The following EEFSEC variants were observed in gnomAD, a reference collection of about 807,000 sequenced individuals.
EEFSEC encodes selenocysteine-specific elongation factor.
In EEFSEC, 43 loss-of-function variants were observed where a neutral mutation model predicts 42.1. The ratio of observed to expected loss-of-function variants is 1.02; its 90% CI spans 0.80 to 1.32. EEFSEC has a LOEUF of 1.32. Ranked by LOEUF, EEFSEC falls within the 40% of genes most tolerant of loss-of-function variation. The pLI is 0.00. For missense variants in EEFSEC, 745 were observed against 803.6 expected, an observed-to-expected ratio of 0.93 and a Z score of 0.88; for synonymous variants, 354 against 339.1, an observed-to-expected ratio of 1.04 and a Z score of -0.48.
At chr3:128,418,698 C>G in the EEFSEC span, among the ~76,000 whole-genome samples, 1 of 152,222 alleles carries the variant, frequency 6.6e-6, no homozygotes, top group Non-Finnish European at 1.5e-5. Flanking sequence ...CTCAGCATCC[C>G]TGATACTGCC....
At chr3:128,342,030 A>T (rs1010723047) in intron 5 of EEFSEC, 141 bp downstream of exon 5, 5 of 1,208,296 alleles carry the variant, frequency 4.1e-6, no homozygotes, top group Non-Finnish European at 5.6e-6. Flanking sequence ...TGTACAAGGC[A>T]TCTGATGCCC....
At chr3:128,409,627 G>C (rs1051179199), downstream of EEFSEC, among the ~76,000 whole-genome samples, 1 of 152,242 alleles carries the variant, frequency 6.6e-6, no homozygotes. Flanking sequence ...ACGTGAGAGA[G>C]AGTGTGGCCC....
chr3:128,354,530 C>T (rs2067428664), intron 5 of EEFSEC, among the ~76,000 whole-genome samples: 1 of 152,204 alleles, frequency 6.6e-6, no homozygotes. Flanking sequence ...CAGATGAGAA[C>T]ATAAACAAGG....
At chr3:128,319,592 C>T (rs1031342069) in intron 4 of EEFSEC, among the ~76,000 whole-genome samples, 1 of 152,198 alleles carries the variant, frequency 6.6e-6, no homozygotes, top group African/African-American at 2.4e-5. Context: ...GTGGATTGCC[C>T]ATCGCCTTCT....
At chr3:128,209,928 G>A (rs1262280047) in intron 1 of EEFSEC, among the ~76,000 whole-genome samples, 2 of 152,356 alleles carry the variant, frequency 1.3e-5, no homozygotes, top group East Asian at 3.9e-4. Flanking sequence ...AGATCTGTGT[G>A]CCATCAAAAA....
intron 2 of EEFSEC, among the ~76,000 whole-genome samples, chr3:128,248,854 G>A (rs2107902725): frequency 6.6e-6 from 1 of 152,304 alleles, no homozygotes; most frequent in East Asian, 1.9e-4. Flanking sequence ...TTCTATTTTA[G>A]TGTATTGATT....
intron 4 of EEFSEC, among the ~76,000 whole-genome samples, chr3:128,290,860 C>T (rs2066636402): frequency 6.6e-6 from 1 of 152,068 alleles, no homozygotes. Flanking sequence ...ATTCTCTTGC[C>T]TCAGCCTCCC....
intron 4 of EEFSEC, among the ~76,000 whole-genome samples, chr3:128,328,388 T>A (rs2067088264): frequency 6.6e-6 from 1 of 152,156 alleles, no homozygotes; most frequent in Non-Finnish European, 1.5e-5. Flanking sequence ...GATGTCAGAA[T>A]GCAGGTAGGC....
At chr3:128,276,098 C>A (rs2066465311) in intron 4 of EEFSEC, among the ~76,000 whole-genome samples, 1 of 152,242 alleles carries the variant, frequency 6.6e-6, no homozygotes, top group Non-Finnish European at 1.5e-5. Flanking sequence ...CTTCTTGGCC[C>A]TCCTCACCCT....
chr3:128,269,385 A>T (rs1239125183), intron 4 of EEFSEC, among the ~76,000 whole-genome samples: 1 of 152,220 alleles, frequency 6.6e-6, no homozygotes. Context: ...ACGAGAGCCC[A>T]TTGCAGCAGA....
At chr3:128,311,569 A>G (rs2066890294) in intron 4 of EEFSEC, among the ~76,000 whole-genome samples, 1 of 152,330 alleles carries the variant, frequency 6.6e-6, no homozygotes, top group Non-Finnish European at 1.5e-5. Flanking sequence ...GCAGCCATGC[A>G]TGGGGAGCTT....
chr3:128,251,223 G>T (rs889600844), intron 2 of EEFSEC, among the ~76,000 whole-genome samples: 1 of 152,172 alleles, frequency 6.6e-6, no homozygotes, highest in African/African-American at 2.4e-5. Flanking sequence ...CCACCACTCT[G>T]TTGACCTACT....
chr3:128,278,951 G>A (rs112325242), intron 4 of EEFSEC, among the ~76,000 whole-genome samples: 31 of 152,346 alleles, frequency 2.0e-4, no homozygotes, highest in African/African-American at 6.5e-4. Context: ...CAGGGTGACT[G>A]GGCGGAAGGT....
chr3:128,360,217 C>G (rs1046097887), intron 6 of EEFSEC, among the ~76,000 whole-genome samples: 3 of 152,240 alleles, frequency 2.0e-5, no homozygotes, highest in Non-Finnish European at 4.4e-5. Context: ...CTTTGTGCAT[C>G]GCTTCAGTTT....
chr3:128,227,964 T>G (rs1164984481), intron 1 of EEFSEC, among the ~76,000 whole-genome samples: 2 of 152,222 alleles, frequency 1.3e-5, no homozygotes, highest in Non-Finnish European at 2.9e-5. Flanking sequence ...GTTCAACTTT[T>G]CTCCCCTTTT....
intron 1 of EEFSEC, among the ~76,000 whole-genome samples, chr3:128,235,194 G>T (rs1434490842): frequency 6.6e-6 from 1 of 151,472 alleles, no homozygotes; most frequent in Non-Finnish European, 1.5e-5. Context: ...CCTCCCATAT[G>T]TCTGGGACCA....
intron 6 of EEFSEC, among the ~76,000 whole-genome samples, chr3:128,367,365 G>A (rs2067602321): frequency 6.6e-6 from 1 of 152,200 alleles, no homozygotes; most frequent in Non-Finnish European, 1.5e-5. Context: ...CTTACAGTAG[G>A]ACCCCAACCG....
intron 1 of EEFSEC, among the ~76,000 whole-genome samples, chr3:128,175,949 T>C (rs934950074): frequency 6.6e-6 from 1 of 152,206 alleles, no homozygotes; most frequent in African/African-American, 2.4e-5. Context: ...CTTGTGAGAA[T>C]GCACAGCTCT....
At chr3:128,205,892 A>C (rs1228604465) in intron 1 of EEFSEC, among the ~76,000 whole-genome samples, 1 of 152,204 alleles carries the variant, frequency 6.6e-6, no homozygotes, top group Non-Finnish European at 1.5e-5. Flanking sequence ...CCTTTAAAAA[A>C]CTATTCTTGT....
Sources: gnomAD v4.1 joint callset for allele counts (sites outside exome capture counted in the v4.1 genomes callset) on GRCh38, gnomAD v4.1.1 for gene constraint, MANE v1.5 for transcripts, NCBI Gene and HGNC (gene_info 2026-07-23, HGNC 2026-07-21) for gene names.